Variants in GFRA1 observed in about 807,000 individuals in gnomAD.
GFRA1 encodes GDNF family receptor alpha 1, also known as GDNF family receptor alpha-1.
In GFRA1, 16 loss-of-function variants were observed where a neutral mutation model predicts 51.6. That is an observed-to-expected ratio of 0.31 (90% CI 0.21 to 0.47). The LOEUF is 0.47. Ranked by LOEUF, GFRA1 falls within the 20% of genes least tolerant of loss-of-function variation. The pLI is 1.00. For synonymous variants in GFRA1, 270 were observed against 241.3 expected, an observed-to-expected ratio of 1.12 and a Z score of -1.10; for missense variants, 530 against 594.3, an observed-to-expected ratio of 0.89 and a Z score of 1.13.
chr10:116,120,123 G>T (rs983721139), intron 6 of GFRA1, among the ~76,000 whole-genome samples: 2 of 152,346 alleles, frequency 1.3e-5, no homozygotes, highest in South Asian at 4.1e-4. Context: ...AGACTACGGG[G>T]ACAGAGAGTT....
At chr10:116,202,497 A>C (rs893405431) in intron 5 of GFRA1, among the ~76,000 whole-genome samples, 2 of 152,158 alleles carry the variant, frequency 1.3e-5, no homozygotes, top group Non-Finnish European at 2.9e-5. Context: ...GTATTGGTCC[A>C]TTCTCACCCT....
At chr10:116,238,005 T>A (rs73372494) in intron 4 of GFRA1, among the ~76,000 whole-genome samples, 13,877 of 152,204 alleles carry the variant, frequency 0.091, 788 homozygotes, top group East Asian at 0.28. Flanking sequence ...AGCACAGCTC[T>A]TCCTCGACCA....
intron 5 of GFRA1, among the ~76,000 whole-genome samples, chr10:116,209,757 T>A (rs371425389): frequency 9.2e-5 from 14 of 152,168 alleles, no homozygotes; most frequent in African/African-American, 3.1e-4. Flanking sequence ...CTGTCACCAG[T>A]TGAACATTTT....
intron 4 of GFRA1, chr10:116,255,509 A>AAC (rs1004210827): frequency 1.0e-6 from 1 of 994,472 alleles, no homozygotes; most frequent in African/African-American, 1.7e-5. Context: ...AAAAAAAACA[A>AAC]AAAAAAAAAC....
intron 5 of GFRA1, among the ~76,000 whole-genome samples, chr10:116,169,308 G>A: frequency 6.6e-6 from 1 of 152,228 alleles, no homozygotes; most frequent in South Asian, 2.1e-4. Flanking sequence ...TTCCCCAAAA[G>A]CTGATCCTAA....
intron 8 of GFRA1, among the ~76,000 whole-genome samples, chr10:116,092,624 G>A (rs1287736277): frequency 6.6e-6 from 1 of 152,064 alleles, no homozygotes; most frequent in Non-Finnish European, 1.5e-5. Flanking sequence ...CAACATCGGG[G>A]TGAACAAAGC....
At chr10:116,188,279 G>A (rs767969144) in intron 5 of GFRA1, among the ~76,000 whole-genome samples, 22 of 152,286 alleles carry the variant, frequency 1.4e-4, no homozygotes, top group Non-Finnish European at 2.6e-4. Context: ...GAGGACCTGC[G>A]TCCCTGCTCT....
At chr10:116,090,196 G>A (rs1383154926) in intron 8 of GFRA1, among the ~76,000 whole-genome samples, 1 of 152,084 alleles carries the variant, frequency 6.6e-6, no homozygotes, top group East Asian at 1.9e-4. Context: ...CGTGCCAGGT[G>A]CTGAGCAAGA....
chr10:116,138,108 AT>A (rs1218282378), intron 5 of GFRA1, among the ~76,000 whole-genome samples: 1 of 151,914 alleles, frequency 6.6e-6, no homozygotes, highest in East Asian at 1.9e-4. Flanking sequence ...GCCTGTATGT[AT>A]TTTTTAATGG....
chr10:116,068,274 G>C (rs1955210342), intron 9 of GFRA1, among the ~76,000 whole-genome samples: 3 of 152,200 alleles, frequency 2.0e-5, no homozygotes, highest in Non-Finnish European at 4.4e-5. Flanking sequence ...GAGCGGTCTG[G>C]GTGCTCGGGA....
intron 5 of GFRA1, among the ~76,000 whole-genome samples, chr10:116,155,703 C>T (rs947629333): frequency 6.6e-6 from 1 of 152,148 alleles, no homozygotes. Flanking sequence ...CAATTATTTT[C>T]CTAGTGCCTC....
intron 5 of GFRA1, among the ~76,000 whole-genome samples, chr10:116,185,700 C>G (rs1267268536): frequency 6.6e-6 from 1 of 152,224 alleles, no homozygotes. Flanking sequence ...GCTTCTCCCC[C>G]TCCCTGTCCT....
At chr10:116,274,329 A>G (rs1445413876), upstream of GFRA1, among the ~76,000 whole-genome samples, 1 of 152,192 alleles carries the variant, frequency 6.6e-6, no homozygotes, top group Non-Finnish European at 1.5e-5. Flanking sequence ...AGTTTGAATC[A>G]AATCTGCGTG....
At chr10:116,229,180 C>G (rs1331505786) in intron 4 of GFRA1, among the ~76,000 whole-genome samples, 1 of 151,986 alleles carries the variant, frequency 6.6e-6, no homozygotes, top group Admixed American at 6.6e-5. Flanking sequence ...TAAGCCACTA[C>G]ATTTAGGGTA....
chr10:116,193,674 C>T (rs866460647), intron 5 of GFRA1, among the ~76,000 whole-genome samples: 1 of 152,172 alleles, frequency 6.6e-6, no homozygotes, highest in Non-Finnish European at 1.5e-5. Flanking sequence ...GGTATTCTTG[C>T]ATTTAGACCT....
chr10:116,138,541 C>T (rs190612718), intron 5 of GFRA1, among the ~76,000 whole-genome samples: 6 of 152,138 alleles, frequency 3.9e-5, no homozygotes, highest in Admixed American at 2.0e-4. Flanking sequence ...CCATGTTTCA[C>T]GTGTGACTTC....
intron 9 of GFRA1, among the ~76,000 whole-genome samples, chr10:116,085,917 T>C (rs897879387): frequency 6.6e-6 from 1 of 152,224 alleles, no homozygotes; most frequent in Non-Finnish European, 1.5e-5. Context: ...CATGCGGCTC[T>C]CTCAAAACCA....
Position 116,271,854 on chromosome 10 carries a change from C to A in GFRA1, c.40+136G>T, listed in dbSNP as rs930023438. The A allele has an allele frequency of 2.3e-4, 173 of 761,730 alleles. 1 individual carries two copies. Among genetic ancestry groups the A allele is most frequent in the Non-Finnish European group, 3.1e-4 (135 of 429,584 alleles). 47.2% of individuals were successfully genotyped at this position (761,730 alleles called of 1,614,324 possible). A position where few individuals can be genotyped will look rare whatever the true frequency, so the allele number is the denominator to read the frequency against. Reference sequence around the variant, plus strand: ...AACCCGGGGATTCGCGATCCCATTCCCCAAAAAGACACTTCTTCCTTCCAC... The same window carrying A: ...AACCCGGGGATTCGCGATCCCATTCACCAAAAAGACACTTCTTCCTTCCAC... On this transcript the variant is annotated intron_variant, in intron 2 of 10. Transcript: ENST00000355422.
chr10:116,210,643 T>A (rs1965121138), intron 5 of GFRA1, among the ~76,000 whole-genome samples: 1 of 152,330 alleles, frequency 6.6e-6, no homozygotes, highest in African/African-American at 2.4e-5. Context: ...ACTGCACTTC[T>A]ATCAGAGAAG....
Sources: gnomAD v4.1 joint callset for allele counts (sites outside exome capture counted in the v4.1 genomes callset) on GRCh38, gnomAD v4.1.1 for gene constraint, MANE v1.5 for transcripts, NCBI Gene and HGNC (gene_info 2026-07-23, HGNC 2026-07-21) for gene names.